The following CCDC92 variants were observed in gnomAD, a reference collection of about 807,000 sequenced individuals.
CCDC92 encodes the protein coiled-coil domain-containing protein 92.
CCDC92 carries 12 observed loss-of-function variants against 24.9 expected under a neutral mutation model. The observed-to-expected ratio is 0.48, with a 90% confidence interval of 0.31 to 0.78. The LOEUF is 0.78. Ranked by LOEUF, CCDC92 falls within the 30% of genes least tolerant of loss-of-function variation. CCDC92 has a pLI of 0.05. For synonymous variants in CCDC92, 193 were observed against 196.3 expected (o/e 0.98, Z 0.14); for missense variants, 399 against 439.4 (o/e 0.91, Z 0.82).
chr12:123,943,918 C>T, intron 2 of CCDC92: 2 of 459,446 alleles, frequency 4.4e-6, no homozygotes, highest in South Asian at 3.6e-5. Flanking sequence ...CCACGCACCA[C>T]CTCACCCCAA....
intron 1 of CCDC92, among the ~76,000 whole-genome samples, chr12:123,959,018 G>T (rs949757647): frequency 2.6e-5 from 4 of 152,182 alleles, no homozygotes; most frequent in Admixed American, 2.6e-4. Flanking sequence ...TACTGGATCC[G>T]CGAGCTATAG....
chr12:123,963,457 C>T (rs765665583), intron 1 of CCDC92, among the ~76,000 whole-genome samples: 9 of 152,120 alleles, frequency 5.9e-5, no homozygotes, highest in Non-Finnish European at 1.3e-4. Context: ...ACACGCTCAG[C>T]GAGGCAGGAG....
At chr12:123,943,725 G>T in intron 2 of CCDC92, 1 of 577,962 alleles carries the variant, frequency 1.7e-6, no homozygotes, top group Non-Finnish European at 3.1e-6. Context: ...GTGTGCCCTA[G>T]CACCTAGCAC....
intron 3 of CCDC92, 93 bp from the exon 4 acceptor site, chr12:123,942,878 C>T: frequency 2.0e-6 from 2 of 990,418 alleles, no homozygotes; most frequent in East Asian, 4.8e-5. Context: ...CACGATTAGC[C>T]AGCGAGTCCT....
intron 2 of CCDC92, 52 bp from the exon 3 acceptor site, chr12:123,943,545 G>A (rs1445264321): frequency 1.2e-6 from 2 of 1,604,444 alleles, no homozygotes; most frequent in Non-Finnish European, 1.7e-6. Context: ...TCCCAGGGCT[G>A]CCTGCCCTCC....
intron 1 of CCDC92, among the ~76,000 whole-genome samples, chr12:123,950,257 A>C (rs1955990622): frequency 6.6e-6 from 1 of 151,904 alleles, no homozygotes; most frequent in South Asian, 2.1e-4. Flanking sequence ...GGAAACGCAA[A>C]CACAGCCCAC....
intron 1 of CCDC92, 88 bp from the exon 2 acceptor site, chr12:123,944,452 G>T: frequency 1.4e-6 from 1 of 738,354 alleles, no homozygotes; most frequent in Non-Finnish European, 2.1e-6. Context: ...TGCTATTCCA[G>T]AGAACCCTCC....
chr12:123,963,580 C>A (rs1352291141), intron 1 of CCDC92, among the ~76,000 whole-genome samples: 1 of 152,140 alleles, frequency 6.6e-6, no homozygotes, highest in Non-Finnish European at 1.5e-5. Flanking sequence ...CTCCAAATTG[C>A]CTAAGAATGT....
chr12:123,951,031 C>T (rs780748643), intron 1 of CCDC92, among the ~76,000 whole-genome samples: 1 of 152,178 alleles, frequency 6.6e-6, no homozygotes, highest in African/African-American at 2.4e-5. Flanking sequence ...TGGCCCAGAC[C>T]CCTCCAACAC....
intron 1 of CCDC92, among the ~76,000 whole-genome samples, chr12:123,958,767 G>GTTCCCTTATC (rs1956208228): frequency 6.6e-6 from 1 of 152,200 alleles, no homozygotes; most frequent in Non-Finnish European, 1.5e-5. Context: ...GGCGTAGAGA[G>GTTCCCTTATC]CTTAATCTGC....
intron 1 of CCDC92, among the ~76,000 whole-genome samples, chr12:123,964,219 G>C (rs1229755283): frequency 6.6e-6 from 1 of 152,090 alleles, no homozygotes; most frequent in African/African-American, 2.4e-5. Flanking sequence ...AAGTTTAAAC[G>C]TAACAGGTAC....
At chr12:123,965,267 CTT>C (rs1956365072) in intron 1 of CCDC92, among the ~76,000 whole-genome samples, 1 of 152,190 alleles carries the variant, frequency 6.6e-6, no homozygotes, top group South Asian at 2.1e-4. Context: ...TCAATAAACA[CTT>C]GTGTATAACT....
intron 4 of CCDC92, among the ~76,000 whole-genome samples, chr12:123,941,152 T>A (rs562229473): frequency 6.6e-6 from 1 of 152,332 alleles, no homozygotes; most frequent in East Asian, 1.9e-4. Flanking sequence ...CTGGCTTCCA[T>A]GACACGGGTA....
In CCDC92 at chr12:123,937,343, C is replaced by G; in HGVS notation, c.711G>C (p.Val237=). ...ESRKLLLREP[V]DAMPDPTPFL... ...ATGGGGTGGGGTCGGGCATAGCATC[C>G]ACTGGTTCCCGCAAAAGGAGTTTCC... Residue 237 remains valine, a synonymous_variant, in exon 5 of 5, where the codon GTG becomes GTC. Coordinates refer to ENST00000238156, the MANE Select transcript of CCDC92 (RefSeq NM_025140.3). The surrounding 1 kb of genome is among the most constrained non-coding windows in gnomAD (Gnocchi z 8.4). The G allele has an allele frequency of 6.2e-7, 1 of 1,614,010 alleles. No homozygotes were observed. The highest frequency in any genetic ancestry group is 8.5e-7 in the Non-Finnish European group (1 of 1,180,028).
chr12:123,942,369 C>T (rs1330307692), intron 4 of CCDC92, among the ~76,000 whole-genome samples: 4 of 152,348 alleles, frequency 2.6e-5, no homozygotes, highest in African/African-American at 4.8e-5. Context: ...CACGGAGGAG[C>T]GGGGGCGGTT....
intron 1 of CCDC92, among the ~76,000 whole-genome samples, chr12:123,970,524 T>A (rs937421796): frequency 6.6e-6 from 1 of 152,206 alleles, no homozygotes; most frequent in African/African-American, 2.4e-5. Context: ...CTTCTGCAGG[T>A]TGAAACATCA....
At chr12:123,942,513 ATG>A (rs763884811) in intron 4 of CCDC92, among the ~76,000 whole-genome samples, 2 of 152,206 alleles carry the variant, frequency 1.3e-5, no homozygotes, top group Non-Finnish European at 2.9e-5. Flanking sequence ...TTCCAAATAT[ATG>A]TGTCATTCAA....
rs1955572731 is a variant in CCDC92 at position 123,937,929 on chromosome 12, T to TC, written c.224-100dup. The TC allele has an allele frequency of 7.9e-7, 1 of 1,269,082 alleles. No individual in the cohort carries two copies. Among genetic ancestry groups the TC allele is most frequent in the African/African-American group, 1.5e-5 (1 of 67,104 alleles). The allele number at this position is 1,269,082 out of a possible 1,614,324, so 78.6% of individuals were successfully genotyped here. A position where few individuals can be genotyped will look rare whatever the true frequency, so the allele number is the denominator to read the frequency against. On this transcript the variant is annotated intron_variant, in intron 4 of 4. Coordinates refer to ENST00000238156, the MANE Select transcript of CCDC92 (RefSeq NM_025140.3). This position sits in a 1 kb window ranked among gnomAD's most constrained non-coding sequence, Gnocchi z 8.4. ...GCGGACCTGTCTGGTGGGGGCCCTGTCTAGGCTGTGGGGGCCATGCAGAAG... is the reference window on the plus strand; with the variant it reads ...GCGGACCTGTCTGGTGGGGGCCCTGTCCTAGGCTGTGGGGGCCATGCAGAAG...
chr12:123,939,092 A>C (rs1227922201), intron 4 of CCDC92, among the ~76,000 whole-genome samples: 1 of 151,974 alleles, frequency 6.6e-6, no homozygotes, highest in East Asian at 1.9e-4. Flanking sequence ...CTCCCACATA[A>C]ATCAAAGCTT....
Sources: allele counts gnomAD v4.1 joint callset (sites outside exome capture counted in the v4.1 genomes callset), GRCh38; gene constraint gnomAD v4.1.1; non-coding constraint Gnocchi (gnomAD v3.1); transcripts MANE v1.5; gene names NCBI Gene and HGNC (gene_info 2026-07-23, HGNC 2026-07-21).